Variants in TMEM41B observed in about 807,000 individuals in gnomAD.
TMEM41B encodes the protein transmembrane protein 41B.
TMEM41B carries 18 observed loss-of-function variants against 31.9 expected under a neutral mutation model. The ratio of observed to expected loss-of-function variants is 0.56; its 90% confidence interval spans 0.39 to 0.84. The LOEUF (loss-of-function observed/expected upper bound fraction) is 0.84. Among genes scored for constraint, TMEM41B ranks in the 40% least tolerant of loss-of-function variants. TMEM41B has a pLI of 0.00. For synonymous variants in TMEM41B, 144 were observed against 124.3 expected, an observed-to-expected ratio of 1.16 and a Z score of -1.05; for missense variants, 322 against 348.0, an observed-to-expected ratio of 0.93 and a Z score of 0.59.
In TMEM41B at chr11:9,286,422, G is replaced by A. The variant is rs192210630; in HGVS notation, c.706+33C>T. 4.1e-4 allele frequency: 644 copies of A among 1,589,804 alleles called. 2 individuals are homozygous for A. Among genetic ancestry groups the A allele is most frequent in the Non-Finnish European group, 5.1e-4 (593 of 1,169,196 alleles). On this transcript the variant is annotated intron_variant, in intron 6 of 6. Coordinates refer to ENST00000528080, the MANE Select transcript of TMEM41B (RefSeq NM_015012.4). Reference sequence around the variant, plus strand: ...GGACACTGTTAGATATGTACACAGTGAGCTCATACACAGCAAGAACCAGAG... The same window carrying A: ...GGACACTGTTAGATATGTACACAGTAAGCTCATACACAGCAAGAACCAGAG...
intron 4 of TMEM41B, 52 bp downstream of exon 4, chr11:9,288,390 C>T (rs1852883563): frequency 2.4e-6 from 3 of 1,253,754 alleles, no homozygotes; most frequent in Non-Finnish European, 3.4e-6. Context: ...CATCATCATC[C>T]TCATCATTCT....
At chr11:9,291,633 C>T (rs1434172610) in intron 3 of TMEM41B, among the ~76,000 whole-genome samples, 1 of 151,974 alleles carries the variant, frequency 6.6e-6, no homozygotes, top group Non-Finnish European at 1.5e-5. Context: ...ATCTCCCGAT[C>T]TCGTGATCCA....
chr11:9,300,520 C>A (rs1283649632), intron 1 of TMEM41B, among the ~76,000 whole-genome samples: 3 of 152,146 alleles, frequency 2.0e-5, no homozygotes, highest in African/African-American at 7.2e-5. Flanking sequence ...GGTACCTCTG[C>A]AACTCCAACA....
At chr11:9,288,556 G>A in intron 3 of TMEM41B, 21 bp from the exon 4 acceptor site, 3 of 1,485,264 alleles carry the variant, frequency 2.0e-6, no homozygotes, top group Non-Finnish European at 2.7e-6. Context: ...TTAAGTTAAG[G>A]ATTAGAATAT....
At position 9,314,567 on chromosome 11, in the gene TMEM41B, A is replaced by T; in HGVS notation, c.-126T>A. On this transcript the variant is annotated 5_prime_UTR_variant, in exon 1 of 7. Coordinates refer to ENST00000528080, the MANE Select transcript of TMEM41B (RefSeq NM_015012.4). ...ACTTCCGGCGCGACCTCCTCACCCGAGACGACCTCAGCCCAGCGAGTACTG... is the reference window on the plus strand; with the variant it reads ...ACTTCCGGCGCGACCTCCTCACCCGTGACGACCTCAGCCCAGCGAGTACTG... 1 of 1,341,466 alleles carries T rather than the reference A, an allele frequency of 7.5e-7. No individual in the cohort carries two copies. The highest frequency in any genetic ancestry group is 9.9e-7 in the Non-Finnish European group (1 of 1,010,070). The allele number at this position is 1,341,466 out of a possible 1,614,324, so 83.1% of individuals were successfully genotyped here.
chr11:9,293,186 C>A (rs569532350), intron 3 of TMEM41B, among the ~76,000 whole-genome samples: 1 of 152,060 alleles, frequency 6.6e-6, no homozygotes, highest in African/African-American at 2.4e-5. Context: ...GCTGTAGCCT[C>A]AACTTCCCTG....
intron 2 of TMEM41B, among the ~76,000 whole-genome samples, chr11:9,296,603 C>CAAAAA (rs1164835040): frequency 5.7e-4 from 68 of 118,656 alleles, no homozygotes; most frequent in African/African-American, 7.6e-4. Context: ...GACTCCGTCT[C>CAAAAA]AAAAAAAAAA....
At position 9,314,508 on chromosome 11, in the gene TMEM41B, C is replaced by G. The variant is rs1482922561; in HGVS notation, c.-67G>C. On this transcript the variant is annotated 5_prime_UTR_variant, in exon 1 of 7. Transcript: ENST00000528080. ...CTAAACAACAAAACTCTGTTGCAGG[C>G]TCCTTACTACGCCGAAGCGCCACGG... is the stretch of plus-strand genomic sequence containing the variant. 4.0e-6 allele frequency: 6 copies of G among 1,488,654 alleles called. No homozygotes were observed. Among genetic ancestry groups the G allele is most frequent in the East Asian group, 5.1e-5 (2 of 39,048 alleles). 92.2% of individuals were successfully genotyped at this position (1,488,654 alleles called of 1,614,324 possible). A position where few individuals can be genotyped will look rare whatever the true frequency, so the allele number is the denominator to read the frequency against.
chr11:9,310,452 T>A (rs4297464), intron 1 of TMEM41B, among the ~76,000 whole-genome samples: 50,371 of 151,448 alleles, frequency 0.33, 9,320 homozygotes, highest in South Asian at 0.5. Flanking sequence ...CCATTTTTTT[T>A]AAAAAAATGC....
rs192283592 is a variant in TMEM41B at position 9,313,191 on chromosome 11, C to T, written c.121+1130G>A. Among the ~76,000 whole-genome samples the T allele has an allele frequency of 1.9e-3, 293 of 152,290 alleles. 2 individuals carry two copies. Among genetic ancestry groups the T allele is most frequent in the African/African-American group, 6.8e-3 (281 of 41,570 alleles). ...TATTCAGAGCTGATTTATACATTAA[C>T]AACGATTCATTTCTCAGTTTTTGAA... On this transcript the variant is annotated intron_variant, in intron 1 of 6. Transcript: ENST00000528080.
rs564991016 is a variant in TMEM41B at position 9,307,442 on chromosome 11, T to C, written c.121+6879A>G. Among the ~76,000 whole-genome samples the C allele has an allele frequency of 9.2e-5, 13 of 140,996 alleles. No individual in the cohort carries two copies. In the East Asian group the frequency reaches 2.4e-3, roughly 26 times the overall value. 92.5% of individuals were successfully genotyped at this position (140,996 alleles called of 152,430 possible). A position where few individuals can be genotyped will look rare whatever the true frequency, so the allele number is the denominator to read the frequency against. On this transcript the variant is annotated intron_variant, in intron 1 of 6. Coordinates refer to ENST00000528080, the MANE Select transcript of TMEM41B (RefSeq NM_015012.4). Reference sequence around the variant, plus strand: ...TTTAAACAGCTGAAGTATCATAAAATAAAATCTTTTTTTTTTTTTGAGATC... The same window carrying C: ...TTTAAACAGCTGAAGTATCATAAAACAAAATCTTTTTTTTTTTTTGAGATC...
intron 5 of TMEM41B, 124 bp from the exon 6 acceptor site, chr11:9,286,717 C>G (rs1345868699): frequency 1.9e-6 from 2 of 1,043,722 alleles, no homozygotes; most frequent in Non-Finnish European, 2.7e-6. Flanking sequence ...TAGAAATGAT[C>G]AGGCTGGCGA....
Position 9,313,574 on chromosome 11 carries a change from G to C in TMEM41B, c.121+747C>G, listed in dbSNP as rs569069807. Among the ~76,000 whole-genome samples, 13 of 152,276 alleles carry C rather than the reference G, an allele frequency of 8.5e-5. No homozygotes were observed. In the South Asian group the frequency reaches 2.7e-3, roughly 32 times the overall value. ...ATTATAGAGGCAGTAGGAATAAAGA[G>C]AAAACAAAAACCAAAAATAAAGCCG... On this transcript the variant is annotated intron_variant, in intron 1 of 6. Transcript: ENST00000528080.
In TMEM41B at chr11:9,294,180, C is replaced by CAAAAAAAAAAA. The variant is rs538372314; in HGVS notation, c.368+1068_368+1078dup. Among the ~76,000 whole-genome samples the CAAAAAAAAAAA allele has an allele frequency of 1.1e-4, 8 of 73,452 alleles. 1 individual carries two copies. Among genetic ancestry groups the CAAAAAAAAAAA allele is most frequent in the African/African-American group, 5.0e-4 (8 of 16,024 alleles). The allele number at this position is 73,452 out of a possible 152,430, so 48.2% of individuals were successfully genotyped here. ...TGGGTGACAGGGGGAGAACCTGTCT[C>CAAAAAAAAAAA]AAAAAAAAAAAAAAAAAAAAAAAAA... is the stretch of plus-strand genomic sequence containing the variant. On this transcript the variant is annotated intron_variant, in intron 3 of 6. Coordinates refer to ENST00000528080, the MANE Select transcript of TMEM41B (RefSeq NM_015012.4).
chr11:9,302,007 G>GTT (rs11297732), intron 1 of TMEM41B, among the ~76,000 whole-genome samples: 14 of 122,532 alleles, frequency 1.1e-4, no homozygotes, highest in South Asian at 7.8e-4. Flanking sequence ...ATTTTTCTCG[G>GTT]TTTTTTTTTT....
chr11:9,286,928 A>G (rs917923202), intron 5 of TMEM41B, among the ~76,000 whole-genome samples: 1 of 151,740 alleles, frequency 6.6e-6, no homozygotes, highest in Non-Finnish European at 1.5e-5. Context: ...TGAACCCGGG[A>G]GGCAGAGGTT....
At chr11:9,300,151 A>T (rs1853212179) in intron 1 of TMEM41B, among the ~76,000 whole-genome samples, 1 of 152,176 alleles carries the variant, frequency 6.6e-6, no homozygotes, top group South Asian at 2.1e-4. Context: ...ATTATATTTA[A>T]GCACTGTACA....
chr11:9,286,730 T>G (rs1298273992), intron 5 of TMEM41B, 137 bp from the exon 6 acceptor site: 4 of 903,666 alleles, frequency 4.4e-6, no homozygotes, highest in Admixed American at 6.5e-5. Context: ...GCTGGCGAGG[T>G]GGTTCATGCC....
At chr11:9,295,608 C>T (rs1008768445) in intron 2 of TMEM41B, among the ~76,000 whole-genome samples, 9 of 152,088 alleles carry the variant, frequency 5.9e-5, no homozygotes, top group African/African-American at 2.2e-4. Flanking sequence ...AATCTCAGCT[C>T]ACGGCAATCT....
Sources: allele counts gnomAD v4.1 joint callset (sites outside exome capture counted in the v4.1 genomes callset), GRCh38; gene constraint gnomAD v4.1.1; transcripts MANE v1.5; gene names NCBI Gene and HGNC (gene_info 2026-07-23, HGNC 2026-07-21).